SMARCC2: variants seen among roughly 807,000 people sequenced by gnomAD.
The protein encoded by SMARCC2 is SWI/SNF related BAF chromatin remodeling complex subunit C2.
A neutral mutation model predicts 151.3 loss-of-function variants in SMARCC2; 15 were observed. The observed-to-expected ratio is 0.10, with a 90% CI of 0.07 to 0.15. The LOEUF is 0.15. SMARCC2 is among the 10% of genes least tolerant of loss of function. The pLI, the probability that SMARCC2 is intolerant of heterozygous loss-of-function variation, is 1.00. For missense variants in SMARCC2, 1,031 were observed against 1,599.7 expected, an observed-to-expected ratio of 0.64 and a Z score of 6.06; for synonymous variants, 590 against 609.5, an observed-to-expected ratio of 0.97 and a Z score of 0.47.
At chr12:56,179,410 G>A (rs1183570890) in intron 11 of SMARCC2, among the ~76,000 whole-genome samples, 1 of 152,100 alleles carries the variant, frequency 6.6e-6, no homozygotes, top group Non-Finnish European at 1.5e-5. Flanking sequence ...GAAAGCAGAG[G>A]ATACTTTCCT....
At chr12:56,164,773 T>C in intron 27 of SMARCC2, 42 bp from the exon 28 acceptor site, 1 of 1,495,928 alleles carries the variant, frequency 6.7e-7, no homozygotes, top group Non-Finnish European at 9.0e-7. Context: ...AGGTATAAAA[T>C]TTTGCTTAAC....
chr12:56,164,752 T>C, intron 27 of SMARCC2, 21 bp from the exon 28 acceptor site: 1 of 1,555,184 alleles, frequency 6.4e-7, no homozygotes, highest in Non-Finnish European at 8.7e-7. Context: ...AGATGAGAGA[T>C]GGAGAAAATT....
At chr12:56,174,810 T>C in intron 15 of SMARCC2, 46 bp from the exon 16 acceptor site, 1 of 1,285,368 alleles carries the variant, frequency 7.8e-7, no homozygotes. Context: ...AAATAAATGT[T>C]TGTTAAAGGG....
intron 13 of SMARCC2, 104 bp downstream of exon 13, chr12:56,178,706 T>C: frequency 6.9e-7 from 1 of 1,456,824 alleles, no homozygotes; most frequent in Non-Finnish European, 9.6e-7. Context: ...GGAATTAGTC[T>C]ACAGTGGGTA....
chr12:56,182,295 T>C (rs2135737261), intron 7 of SMARCC2, among the ~76,000 whole-genome samples: 2 of 152,166 alleles, frequency 1.3e-5, no homozygotes, highest in South Asian at 4.2e-4. Flanking sequence ...TCTTGATACT[T>C]GTATATCTGT....
At chr12:56,187,103 CA>C in intron 2 of SMARCC2, 83 bp downstream of exon 2, 4 of 1,420,906 alleles carry the variant, frequency 2.8e-6, no homozygotes, top group Non-Finnish European at 3.8e-6. Flanking sequence ...ACAAAATTCA[CA>C]AATCTTTTTT....
chr12:56,184,151 T>C (rs1428774642), intron 6 of SMARCC2, 24 bp downstream of exon 6: 2 of 1,581,798 alleles, frequency 1.3e-6, no homozygotes, highest in Non-Finnish European at 8.7e-7. Flanking sequence ...TCCACTCAAG[T>C]GGACAGGAAA....
chr12:56,164,777 G>T, intron 27 of SMARCC2, 46 bp from the exon 28 acceptor site: 2 of 1,450,060 alleles, frequency 1.4e-6, no homozygotes, highest in Non-Finnish European at 9.4e-7. Flanking sequence ...ATAAAATTTT[G>T]CTTAACAACT....
chr12:56,185,241 C>T (rs746040467), intron 3 of SMARCC2, 130 bp from the exon 4 acceptor site: 46 of 699,248 alleles, frequency 6.6e-5, no homozygotes, highest in Non-Finnish European at 9.6e-5. Context: ...TGCAGTGGCG[C>T]GATCCCGGCT....
In SMARCC2 at chr12:56,171,721, C is replaced by T. The variant is rs764510344; in HGVS notation, c.2143G>A (p.Val715Ile). The T allele has an allele frequency of 1.3e-6, 2 of 1,585,308 alleles. No homozygotes were observed. Among genetic ancestry groups the T allele is most frequent in the Non-Finnish European group, 8.6e-7 (1 of 1,164,532 alleles). Residue 715 changes from valine to isoleucine, a missense_variant, in exon 21 of 29, where the codon GTC (valine) becomes ATC (isoleucine). By Grantham distance (29) the Val-to-Ile change is conservative (BLOSUM62 3). Coordinates refer to ENST00000550164, the MANE Select transcript of SMARCC2 (RefSeq NM_001330288.2). The surrounding 1 kb of genome is among the most constrained non-coding windows in gnomAD (Gnocchi z 4.2). ...MSTVAFLASVVDPRVASAAAK... is the reference protein window; with the variant it reads ...MSTVAFLASVIDPRVASAAAK... ...GCAGCAGAGGCGACTCGGGGATCGACGACAGAGGCCAGGAAGGCAACAGTG... is the reference window on the plus strand; with the variant it reads ...GCAGCAGAGGCGACTCGGGGATCGATGACAGAGGCCAGGAAGGCAACAGTG...
intron 15 of SMARCC2, among the ~76,000 whole-genome samples, chr12:56,176,702 G>A (rs1348400822): frequency 3.3e-5 from 5 of 151,670 alleles, no homozygotes; most frequent in African/African-American, 4.8e-5. Context: ...GTGCAGTGGC[G>A]TGATCTCGGC....
intron 7 of SMARCC2, 72 bp downstream of exon 7, chr12:56,183,789 G>A: frequency 3.0e-6 from 3 of 986,776 alleles, no homozygotes; most frequent in Non-Finnish European, 4.7e-6. Context: ...GTGGCCTCTT[G>A]CTCTGCTAGA....
chr12:56,165,510 C>A lies in SMARCC2; in HGVS notation c.3040G>T (p.Val1014Phe). Residue 1014 changes from valine (V) to phenylalanine (F), a missense_variant, in exon 27 of 29, where the codon GTC becomes TTC. Transcript: ENST00000550164. ...PPTGAAGPPA[V>F]HGLAVAPASV... ...GCTGGAGCCACAGCCAAGCCATGGA[C>A]TGCGGGTGGCCCAGCAGCCCCTGTT... 1 of 1,598,666 alleles carries A rather than the reference C, an allele frequency of 6.3e-7. No homozygotes were observed.
intron 25 of SMARCC2, 122 bp from the exon 26 acceptor site, chr12:56,168,316 TGAAAGG>T: frequency 9.4e-7 from 1 of 1,060,822 alleles, no homozygotes; most frequent in Non-Finnish European, 1.4e-6. Context: ...CAACCCATGG[TGAAAGG>T]GCTTGACTTT....
chr12:56,171,143 TAAAAACCCTAC>T lies in SMARCC2; in HGVS notation c.2347+117_2347+127del, dbSNP rs1873877932. On this transcript the variant is annotated intron_variant, in intron 22 of 28. Coordinates refer to ENST00000550164, the MANE Select transcript of SMARCC2 (RefSeq NM_001330288.2). The surrounding 1 kb of genome is among the most constrained non-coding windows in gnomAD (Gnocchi z 4.2). Reference sequence around the variant, plus strand: ...CCCTGAGGTAAACTCATGGGGAAAATAAAAACCCTACCAATGTTCTCATTCATGTTGTGCTC... The same window carrying T: ...CCCTGAGGTAAACTCATGGGGAAAATCAATGTTCTCATTCATGTTGTGCTC... 7 of 881,160 alleles carry T rather than the reference TAAAAACCCTAC, an allele frequency of 7.9e-6. No individual in the cohort carries two copies. In the East Asian group the frequency reaches 1.8e-4, roughly 23 times the overall value. The allele number at this position is 881,160 out of a possible 1,614,324, so 54.6% of individuals were successfully genotyped here.
chr12:56,189,457 G>C lies in SMARCC2; in HGVS notation c.5C>G (p.Ala2Gly). The C allele has an allele frequency of 6.7e-7, 1 of 1,486,434 alleles. No homozygotes were observed. The highest frequency in any genetic ancestry group is 9.0e-7 in the Non-Finnish European group (1 of 1,106,972). The allele number at this position is 1,486,434 out of a possible 1,614,324, so 92.1% of individuals were successfully genotyped here. A position where few individuals can be genotyped will look rare whatever the true frequency, so the allele number is the denominator to read the frequency against. M[A>G]VRKKDGGPNV... ...GGGGCCGCCGTCCTTCTTCCGCACCGCCATCTTCTCCGGCTCGGGCCCCGC... is the reference window on the plus strand; with the variant it reads ...GGGGCCGCCGTCCTTCTTCCGCACCCCCATCTTCTCCGGCTCGGGCCCCGC... Residue 2 changes from alanine (A) to glycine (G), a missense_variant, in exon 1 of 29, where the codon GCG becomes GGG. Around this residue, in one of 12 missense-constraint regions of SMARCC2, gnomAD observed 50 missense variants for 52.4 expected, o/e 0.95. Coordinates refer to ENST00000550164, the MANE Select transcript of SMARCC2 (RefSeq NM_001330288.2).
chr12:56,178,663 G>A, intron 13 of SMARCC2, 129 bp from the exon 14 acceptor site: 1 of 1,456,142 alleles, frequency 6.9e-7, no homozygotes, highest in Non-Finnish European at 9.6e-7. Context: ...TGGGCCCCAG[G>A]ACTCTGAAAG....
At chr12:56,184,034 A>G in intron 6 of SMARCC2, 104 bp from the exon 7 acceptor site, 1 of 1,051,698 alleles carries the variant, frequency 9.5e-7, no homozygotes, top group South Asian at 1.4e-5. Flanking sequence ...GTAGCAGGGG[A>G]CTTGGTAATA....
At chr12:56,181,257 G>A in intron 10 of SMARCC2, 156 bp from the exon 11 acceptor site, 1 of 734,774 alleles carries the variant, frequency 1.4e-6, no homozygotes, top group Non-Finnish European at 2.2e-6. Context: ...AAGTGGCAAA[G>A]GCTTTTCACT....
Sources: allele counts gnomAD v4.1 joint callset (sites outside exome capture counted in the v4.1 genomes callset), GRCh38; gene constraint gnomAD v4.1.1; regional missense constraint gnomAD v4.1.1; non-coding constraint Gnocchi (gnomAD v3.1); transcripts MANE v1.5; gene names NCBI Gene and HGNC (gene_info 2026-07-23, HGNC 2026-07-21).